The following GNG4 variants were observed in gnomAD, a reference collection of about 807,000 sequenced individuals.
GNG4 encodes the protein G protein subunit gamma 4, also known as guanine nucleotide-binding protein G(I)/G(S)/G(O) subunit gamma-4.
In GNG4, 4 loss-of-function variants were observed where a neutral mutation model predicts 5.8. That is an observed-to-expected ratio of 0.69 (90% CI 0.34 to 1.57). The LOEUF (loss-of-function observed/expected upper bound fraction) is 1.57. Ranked by LOEUF, GNG4 falls within the 40% of genes most tolerant of loss-of-function variation. The pLI is 0.06. For missense variants in GNG4, 96 were observed against 95.1 expected (o/e 1.01, Z -0.04); for synonymous variants, 29 against 32.9 (o/e 0.88, Z 0.41).
At chr1:235,607,420 C>T (rs1371562919) in intron 1 of GNG4, among the ~76,000 whole-genome samples, 2 of 152,168 alleles carry the variant, frequency 1.3e-5, no homozygotes, top group Non-Finnish European at 1.5e-5. Context: ...TTACACAGCA[C>T]GGATGGACAG....
chr1:235,619,350 T>C (rs1472122577), intron 1 of GNG4, among the ~76,000 whole-genome samples: 1 of 151,406 alleles, frequency 6.6e-6, no homozygotes, highest in Non-Finnish European at 1.5e-5. Flanking sequence ...TGAGCCAAGA[T>C]TGCGCCACTG....
chr1:235,639,816 G>C lies in GNG4; in HGVS notation c.-123+9846C>G, dbSNP rs181497730. 3.3e-3 allele frequency among the ~76,000 whole-genome samples: 501 copies of C among 152,314 alleles called. 3 individuals carry two copies. Among genetic ancestry groups the C allele is most frequent in the Non-Finnish European group, 5.3e-3 (361 of 68,018 alleles). ...GCCACCGTGCCCCGCTCTGTGTTGT[G>C]TTATAATCCTCTGTCTCCCTCACTG... On this transcript the variant is annotated intron_variant, in intron 1 of 3. Transcript: ENST00000391854.
intron 1 of GNG4, among the ~76,000 whole-genome samples, chr1:235,606,133 A>G (rs1186669345): frequency 2.0e-5 from 3 of 151,980 alleles, no homozygotes; most frequent in East Asian, 1.9e-4. Context: ...TGAACAAGAT[A>G]AACAAGCAGA....
intron 1 of GNG4, among the ~76,000 whole-genome samples, chr1:235,637,653 C>CA (rs5781837): frequency 0.037 from 4,258 of 116,136 alleles, 232 homozygotes; most frequent in African/African-American, 0.13. Flanking sequence ...GACCTTGTCT[C>CA]AAAAAAAAAA....
In GNG4 at chr1:235,553,642, A is replaced by G. The variant is rs574085632; in HGVS notation, c.100-1405T>C. ...AGAAATAATTCCAGCAGAGATATAC[A>G]ATGAATCAACTAAACACATCACTCA... On this transcript the variant is annotated intron_variant, in intron 3 of 3. Coordinates refer to ENST00000391854, the MANE Select transcript of GNG4 (RefSeq NM_001098722.2). Among the ~76,000 whole-genome samples, 349 of 152,344 alleles carry G rather than the reference A, an allele frequency of 2.3e-3. 1 individual carries two copies. Among genetic ancestry groups the G allele is most frequent in the African/African-American group, 8.1e-3 (336 of 41,578 alleles).
intron 3 of GNG4, among the ~76,000 whole-genome samples, chr1:235,559,258 CGGTATATTTTACAAGGTCTATAAT>C (rs1686996515): frequency 6.6e-6 from 1 of 152,076 alleles, no homozygotes; most frequent in African/African-American, 2.4e-5. Flanking sequence ...CATGGTGTAA[CGGTATATTTTACAAGGTCTATAAT>C]GGTATATTTT....
intron 1 of GNG4, among the ~76,000 whole-genome samples, chr1:235,626,659 G>A (rs998502840): frequency 1.3e-5 from 2 of 152,108 alleles, no homozygotes; most frequent in Non-Finnish European, 2.9e-5. Flanking sequence ...CAAGACAGCA[G>A]CTTCATAAAG....
rs942365850 is a variant in GNG4 at position 235,622,810 on chromosome 1, G to A, written c.-123+26852C>T. 3.4e-5 allele frequency among the ~76,000 whole-genome samples: 5 copies of A among 147,616 alleles called. 1 individual carries two copies. Among genetic ancestry groups the A allele is most frequent in the Non-Finnish European group, 7.4e-5 (5 of 67,654 alleles). ...TCGCTTGAACCTGCTGGGAGGTGGA[G>A]GTTGCAGTGAGCCGAGATTGCACCA... On this transcript the variant is annotated intron_variant, in intron 1 of 3. Coordinates refer to ENST00000391854, the MANE Select transcript of GNG4 (RefSeq NM_001098722.2).
intron 1 of GNG4, among the ~76,000 whole-genome samples, chr1:235,634,968 C>T (rs1173896440): frequency 2.0e-5 from 3 of 152,014 alleles, no homozygotes; most frequent in African/African-American, 7.3e-5. Flanking sequence ...AAAAGAAATA[C>T]TTCCTTTGCT....
At chr1:235,600,100 C>CATTTTTTTTTTTTT (rs1688222477) in intron 1 of GNG4, among the ~76,000 whole-genome samples, 1 of 43,128 alleles carries the variant, frequency 2.3e-5, no homozygotes, top group Non-Finnish European at 4.1e-5. Flanking sequence ...CGGAAGAAAG[C>CATTTTTTTTTTTTT]TTTTTTTTTT....
At chr1:235,633,696 C>T (rs1366482241) in intron 1 of GNG4, among the ~76,000 whole-genome samples, 1 of 151,980 alleles carries the variant, frequency 6.6e-6, no homozygotes, top group African/African-American at 2.4e-5. Flanking sequence ...ACTTTGTTGC[C>T]CAGGCTGGCC....
rs1015922424 is a variant in GNG4 at position 235,644,362 on chromosome 1, A to G, written c.-123+5300T>C. Among the ~76,000 whole-genome samples the G allele has an allele frequency of 2.0e-5, 3 of 151,930 alleles. No individual in the cohort carries two copies. Among genetic ancestry groups the G allele is most frequent in the Non-Finnish European group, 4.4e-5 (3 of 67,980 alleles). ...TGAGGTCAACATTTTGGAATTTTCT[A>G]CTCACATCCACCGAGCGACCCTCCT... On this transcript the variant is annotated intron_variant, in intron 1 of 3. Coordinates refer to ENST00000391854, the MANE Select transcript of GNG4 (RefSeq NM_001098722.2). This position sits in a 1 kb window ranked among gnomAD's most constrained non-coding sequence, Gnocchi z 5.9.
In GNG4 at chr1:235,582,874, G is replaced by T. The variant is rs80313875; in HGVS notation, c.99+866C>A. On this transcript the variant is annotated intron_variant, in intron 3 of 3. Coordinates refer to ENST00000391854, the MANE Select transcript of GNG4 (RefSeq NM_001098722.2). ...GTACCCCCAGAGCTCCAGGGGAAAA[G>T]AATAACTGTCCACACAGAGGTGAGT... is the stretch of plus-strand genomic sequence containing the variant. 3.4e-3 allele frequency among the ~76,000 whole-genome samples: 524 copies of T among 152,264 alleles called. 1 individual carries two copies. Among genetic ancestry groups the T allele is most frequent in the African/African-American group, 0.012 (496 of 41,554 alleles).
At chr1:235,635,267 C>T (rs1387892950) in intron 1 of GNG4, among the ~76,000 whole-genome samples, 1 of 152,020 alleles carries the variant, frequency 6.6e-6, no homozygotes, top group Non-Finnish European at 1.5e-5. Flanking sequence ...GAGGCTGAGA[C>T]GGGTGGATCA....
At chr1:235,555,587 G>A (rs1192317881) in intron 3 of GNG4, among the ~76,000 whole-genome samples, 1 of 151,720 alleles carries the variant, frequency 6.6e-6, no homozygotes, top group East Asian at 1.9e-4. Flanking sequence ...GCTGAGGCAG[G>A]GACATCGCTT....
At chr1:235,591,670 A>C (rs763889877) in intron 2 of GNG4, among the ~76,000 whole-genome samples, 2 of 152,190 alleles carry the variant, frequency 1.3e-5, no homozygotes, top group African/African-American at 4.8e-5. Context: ...AACAGAGAGG[A>C]GCTGCAACAA....
intron 3 of GNG4, among the ~76,000 whole-genome samples, chr1:235,564,276 T>C (rs1380010284): frequency 6.6e-6 from 1 of 152,018 alleles, no homozygotes; most frequent in Non-Finnish European, 1.5e-5. Flanking sequence ...ACACACTACT[T>C]GAGGGGTGAT....
chr1:235,597,595 TGTG>T, intron 1 of GNG4, among the ~76,000 whole-genome samples: 1 of 83,382 alleles, frequency 1.2e-5, no homozygotes, highest in Non-Finnish European at 2.7e-5. Context: ...TTGCTGTGTG[TGTG>T]TGTGTGTGTG....
chr1:235,570,058 G>A (rs1339467791), intron 3 of GNG4, among the ~76,000 whole-genome samples: 1 of 152,184 alleles, frequency 6.6e-6, no homozygotes, highest in Non-Finnish European at 1.5e-5. Context: ...TGGACCTGCA[G>A]ATTCAGGTCT....
Sources: gnomAD v4.1 joint callset for allele counts (sites outside exome capture counted in the v4.1 genomes callset) on GRCh38, gnomAD v4.1.1 for gene constraint, Gnocchi (gnomAD v3.1) non-coding constraint, MANE v1.5 for transcripts, NCBI Gene and HGNC (gene_info 2026-07-23, HGNC 2026-07-21) for gene names.